The following JPH3 variants were observed in gnomAD, a reference collection of about 807,000 sequenced individuals.
JPH3 encodes the protein junctophilin 3.
A neutral mutation model predicts 59.6 loss-of-function variants in JPH3; 11 were observed. That is an observed-to-expected ratio of 0.18 (90% confidence interval 0.12 to 0.31). The LOEUF is 0.31. JPH3 is among the 10% of genes least tolerant of loss of function. The pLI is 1.00. For missense variants in JPH3, 1,202 were observed against 1,105.7 expected (o/e 1.09, Z -1.24); for synonymous variants, 673 against 483.6 (o/e 1.39, Z -5.14).
At chr16:87,667,157 C>T (rs143653705) in intron 2 of JPH3, among the ~76,000 whole-genome samples, 13 of 152,206 alleles carry the variant, frequency 8.5e-5, no homozygotes, top group African/African-American at 2.7e-4. Flanking sequence ...CTGTCTCCCT[C>T]GTCACGTGGC....
chr16:87,611,995 G>C lies in JPH3; in HGVS notation c.382+8467G>C, dbSNP rs993139142. On this transcript the variant is annotated intron_variant, in intron 1 of 4. Coordinates refer to ENST00000284262, the MANE Select transcript of JPH3 (RefSeq NM_020655.4). This position sits in a 1 kb window ranked among gnomAD's most constrained non-coding sequence, Gnocchi z 4.5. Reference sequence around the variant, plus strand: ...CTGCAGTGCAGGAGATCCTGCTTTGGTGCACTCACTTTAACCCTAGCTGTG... The same window carrying C: ...CTGCAGTGCAGGAGATCCTGCTTTGCTGCACTCACTTTAACCCTAGCTGTG... 1.3e-5 allele frequency among the ~76,000 whole-genome samples: 2 copies of C among 152,214 alleles called. No individual in the cohort carries two copies. The highest frequency in any genetic ancestry group is 2.9e-5 in the Non-Finnish European group (2 of 68,032).
intron 1 of JPH3, among the ~76,000 whole-genome samples, chr16:87,640,522 C>G (rs1413633383): frequency 6.6e-6 from 1 of 151,778 alleles, no homozygotes; most frequent in Non-Finnish European, 1.5e-5. Context: ...TCTTGAGTAC[C>G]TGGGATTACA....
At chr16:87,632,750 G>T (rs528693522) in intron 1 of JPH3, among the ~76,000 whole-genome samples, 1 of 152,098 alleles carries the variant, frequency 6.6e-6, no homozygotes, top group Non-Finnish European at 1.5e-5. Flanking sequence ...AAAATTAGCC[G>T]GGCATGGAGG....
Position 87,644,501 on chromosome 16 carries a change from G to C in JPH3, c.626G>C (p.Ser209Thr), listed in dbSNP as rs144296512. ...CACAGTGACTCCGAGATCCTCAAGA[G>C]CAAGAAGAAGGGGCTGTTTCGGCGC... ...VAHSDSEILK[S>T]KKKGLFRRSL... The change falls in exon 2 of 5, where the codon AGC (serine) becomes ACC (threonine). Residue 209 changes from serine to threonine, a missense_variant. Coordinates refer to ENST00000284262, the MANE Select transcript of JPH3 (RefSeq NM_020655.4). 2,484 of 1,612,876 alleles carry C rather than the reference G, an allele frequency of 1.5e-3. 2 individuals carry two copies. The highest frequency in any genetic ancestry group is 2.1e-3 in the Admixed American group (124 of 60,020).
At chr16:87,638,530 C>T (rs1351859907) in intron 1 of JPH3, among the ~76,000 whole-genome samples, 1 of 152,012 alleles carries the variant, frequency 6.6e-6, no homozygotes, top group East Asian at 1.9e-4. Flanking sequence ...GAACAGTGAA[C>T]ATGAGGGCTC....
At chr16:87,690,648 A>G in intron 4 of JPH3, 122 bp downstream of exon 4, 3 of 1,096,142 alleles carry the variant, frequency 2.7e-6, no homozygotes, top group South Asian at 2.7e-5. Context: ...GGGGTGGAGT[A>G]GGGTGGGGGT....
At chr16:87,688,555 G>C (rs757884171) in intron 3 of JPH3, among the ~76,000 whole-genome samples, 2 of 151,972 alleles carry the variant, frequency 1.3e-5, no homozygotes, top group Non-Finnish European at 2.9e-5. Context: ...GAGCGTGAGA[G>C]ACTCTAAGAT....
At chr16:87,648,970 G>T (rs1041307952) in intron 2 of JPH3, among the ~76,000 whole-genome samples, 1 of 152,188 alleles carries the variant, frequency 6.6e-6, no homozygotes, top group African/African-American at 2.4e-5. Flanking sequence ...TGCTGCCGCC[G>T]GGAGGCCTTG....
chr16:87,647,242 C>T (rs1297440683), intron 2 of JPH3, among the ~76,000 whole-genome samples: 3 of 151,948 alleles, frequency 2.0e-5, no homozygotes, highest in African/African-American at 7.3e-5. Context: ...GACCTGAGAC[C>T]CATGCAAAGG....
chr16:87,696,494 G>A, intron 4 of JPH3, 86 bp from the exon 5 acceptor site: 5 of 1,104,100 alleles, frequency 4.5e-6, no homozygotes, highest in South Asian at 2.5e-5. Context: ...CTGCTAGCTT[G>A]GTGAAAAGAC....
At chr16:87,630,506 G>A (rs1364532695) in intron 1 of JPH3, among the ~76,000 whole-genome samples, 3 of 151,490 alleles carry the variant, frequency 2.0e-5, no homozygotes, top group African/African-American at 4.9e-5. Flanking sequence ...CCACACCCAC[G>A]TTGACAACGT....
chr16:87,674,202 C>T (rs999218719), intron 2 of JPH3, among the ~76,000 whole-genome samples: 4 of 152,016 alleles, frequency 2.6e-5, no homozygotes, highest in African/African-American at 7.2e-5. Context: ...GGCGTGGTGG[C>T]GGGCGCCTGT....
chr16:87,623,907 C>T (rs937610867), intron 1 of JPH3, among the ~76,000 whole-genome samples: 1 of 152,242 alleles, frequency 6.6e-6, no homozygotes, highest in African/African-American at 2.4e-5. Context: ...CCTTTGAGAG[C>T]CACCATGGAG....
chr16:87,684,033 A>G (rs2033356897), intron 2 of JPH3, 109 bp from the exon 3 acceptor site: 1 of 716,882 alleles, frequency 1.4e-6, no homozygotes, highest in East Asian at 2.6e-5. Context: ...GGGTGCCAGC[A>G]TCTTGTCTTA....
chr16:87,648,745 A>G (rs1307311077), intron 2 of JPH3, among the ~76,000 whole-genome samples: 7 of 152,198 alleles, frequency 4.6e-5, no homozygotes, highest in Non-Finnish European at 7.4e-5. Flanking sequence ...CTCCTCGGCC[A>G]TGTGACATCA....
At chr16:87,616,879 T>G (rs1381499560) in intron 1 of JPH3, among the ~76,000 whole-genome samples, 5 of 152,244 alleles carry the variant, frequency 3.3e-5, no homozygotes, top group Non-Finnish European at 7.3e-5. Flanking sequence ...TGGGGCTGGC[T>G]TTCGTCACTC....
chr16:87,657,632 T>G (rs1019869257), intron 2 of JPH3, among the ~76,000 whole-genome samples: 103 of 152,328 alleles, frequency 6.8e-4, no homozygotes, highest in African/African-American at 2.5e-3. Context: ...CAGTCACTCA[T>G]TGTGGAGACT....
chr16:87,631,433 G>C (rs76411227), intron 1 of JPH3, among the ~76,000 whole-genome samples: 2,369 of 152,292 alleles, frequency 0.016, 58 homozygotes, highest in African/African-American at 0.054. Context: ...CTGACTTCTA[G>C]GTTCAGTGTT....
chr16:87,604,571 A>G, intron 1 of JPH3: 1 of 1,240,150 alleles, frequency 8.1e-7, no homozygotes, highest in Non-Finnish European at 1.0e-6. Flanking sequence ...ATGCCTGGGA[A>G]GGGAGTGAGA....
Sources: allele counts gnomAD v4.1 joint callset (sites outside exome capture counted in the v4.1 genomes callset), GRCh38; gene constraint gnomAD v4.1.1; non-coding constraint Gnocchi (gnomAD v3.1); transcripts MANE v1.5; gene names NCBI Gene and HGNC (gene_info 2026-07-23, HGNC 2026-07-21).